The following CTNNA3 variants were observed in gnomAD, a reference collection of about 807,000 sequenced individuals.
CTNNA3 encodes the protein catenin alpha 3, also known as catenin alpha-3.
Under a neutral mutation model 95.7 loss-of-function variants are expected in CTNNA3, and 76 were observed. That is an observed-to-expected ratio of 0.79 (90% CI 0.66 to 0.96). The LOEUF is 0.96. Among genes scored for constraint, CTNNA3 ranks in the 40% least tolerant of loss-of-function variants. The pLI, the probability that CTNNA3 is intolerant of heterozygous loss-of-function variation, is 0.00. For synonymous variants in CTNNA3, 431 were observed against 374.4 expected, an observed-to-expected ratio of 1.15 and a Z score of -1.74; for missense variants, 1,191 against 1,089.8, an observed-to-expected ratio of 1.09 and a Z score of -1.31.
At chr10:66,000,707 T>C (rs1472310322) in intron 15 of CTNNA3, among the ~76,000 whole-genome samples, 20 of 152,150 alleles carry the variant, frequency 1.3e-4, no homozygotes, top group Admixed American at 1.3e-3. Context: ...CATTCAGCAT[T>C]TTCTGTTTGC....
intron 17 of CTNNA3, among the ~76,000 whole-genome samples, chr10:65,958,467 C>T (rs2077777604): frequency 6.6e-6 from 1 of 152,180 alleles, no homozygotes; most frequent in South Asian, 2.1e-4. Context: ...AGAAGAGATG[C>T]TCTGATTTTT....
intron 11 of CTNNA3, among the ~76,000 whole-genome samples, chr10:66,426,636 T>G (rs1252298984): frequency 3.3e-5 from 5 of 151,956 alleles, no homozygotes; most frequent in Admixed American, 6.6e-5. Flanking sequence ...AAGCAATCTG[T>G]TTTTCTTTCT....
intron 7 of CTNNA3, among the ~76,000 whole-genome samples, chr10:66,929,653 G>A (rs1204395589): frequency 2.0e-5 from 3 of 152,188 alleles, no homozygotes; most frequent in South Asian, 4.1e-4. Context: ...GTTCTCTGTT[G>A]CTTTTCTATT....
intron 15 of CTNNA3, among the ~76,000 whole-genome samples, chr10:66,027,694 T>G (rs528654301): frequency 6.6e-6 from 1 of 152,252 alleles, no homozygotes; most frequent in Admixed American, 6.5e-5. Context: ...AGACTCAATT[T>G]AGGATTACAG....
intron 5 of CTNNA3, among the ~76,000 whole-genome samples, chr10:67,315,708 A>G (rs1034102229): frequency 2.6e-5 from 4 of 152,194 alleles, no homozygotes; most frequent in Non-Finnish European, 5.9e-5. Flanking sequence ...AATAGCTTTA[A>G]TAACTACAGT....
intron 7 of CTNNA3, among the ~76,000 whole-genome samples, chr10:67,170,134 G>C (rs959167395): frequency 6.6e-6 from 1 of 152,180 alleles, no homozygotes; most frequent in African/African-American, 2.4e-5. Context: ...ATGCTGGCAA[G>C]GTTGCAGAGA....
At chr10:65,990,073 T>TGTG (rs375067707) in intron 15 of CTNNA3, among the ~76,000 whole-genome samples, 2,754 of 64,888 alleles carry the variant, frequency 0.042, 74 homozygotes, top group African/African-American at 0.11. Context: ...ATTTTGTGTG[T>TGTG]AGTGTGTGTG....
chr10:67,389,230 T>C (rs1329965902), intron 5 of CTNNA3, among the ~76,000 whole-genome samples: 1 of 150,606 alleles, frequency 6.6e-6, no homozygotes, highest in South Asian at 2.1e-4. Flanking sequence ...ACCAAGCAAA[T>C]GGAAAACAAA....
At chr10:67,675,185 C>T (rs1409711949) in intron 1 of CTNNA3, among the ~76,000 whole-genome samples, 2 of 151,780 alleles carry the variant, frequency 1.3e-5, no homozygotes, top group Non-Finnish European at 2.9e-5. Flanking sequence ...TTATCTTTTC[C>T]TTATTAATTT....
intron 1 of CTNNA3, among the ~76,000 whole-genome samples, 167 bp downstream of exon 1, chr10:67,695,833 T>C (rs997689942): frequency 3.9e-5 from 6 of 152,196 alleles, no homozygotes; most frequent in African/African-American, 1.4e-4. Context: ...CCTACGTTTC[T>C]CATAACTAGT....
intron 7 of CTNNA3, among the ~76,000 whole-genome samples, chr10:66,987,090 C>A (rs914060414): frequency 6.6e-6 from 1 of 152,122 alleles, no homozygotes; most frequent in Non-Finnish European, 1.5e-5. Context: ...GACGTGAAGT[C>A]CTTTTAGCAT....
chr10:66,900,115 T>G (rs1377915996), intron 7 of CTNNA3, among the ~76,000 whole-genome samples: 2 of 152,070 alleles, frequency 1.3e-5, no homozygotes, highest in East Asian at 3.9e-4. Flanking sequence ...AGACAACTCA[T>G]GCAAGTGGCT....
intron 10 of CTNNA3, among the ~76,000 whole-genome samples, chr10:66,573,136 G>A (rs2631226): frequency 6.6e-6 from 1 of 152,076 alleles, no homozygotes; most frequent in Non-Finnish European, 1.5e-5. Context: ...CTGTGGCTCA[G>A]GTTCACATGA....
chr10:66,287,232 C>A (rs2091603386), intron 12 of CTNNA3, among the ~76,000 whole-genome samples: 1 of 152,042 alleles, frequency 6.6e-6, no homozygotes, highest in Non-Finnish European at 1.5e-5. Flanking sequence ...GAGTTCAAGG[C>A]TTCATTGAGC....
rs562452989 is a variant in CTNNA3, at chr10:67,384,266, T to C, written c.579+137576A>G. ...TTTGGCTCCTTTCTTTCTAGCAACC[T>C]ACCTGAAATAAGAAAACTTATCACT... On this transcript the variant is annotated intron_variant, in intron 5 of 17. Transcript: ENST00000433211. Among the ~76,000 whole-genome samples, 6 of 152,310 alleles carry C rather than the reference T, an allele frequency of 3.9e-5. 1 individual carries two copies. The highest frequency in any genetic ancestry group is 1.4e-4 in the African/African-American group (6 of 41,586).
intron 9 of CTNNA3, among the ~76,000 whole-genome samples, chr10:66,733,165 T>C (rs980158438): frequency 1.3e-5 from 2 of 151,896 alleles, no homozygotes; most frequent in East Asian, 1.9e-4. Flanking sequence ...AAAGAAAATT[T>C]AGAAAAAAAA....
At position 66,119,767 on chromosome 10, in the gene CTNNA3, C is replaced by G. The variant is rs190434452; in HGVS notation, c.1885-16518G>C. The stretch of plus-strand genomic sequence containing the variant: ...ATCAATTTTTTTTATTAAATAAGCA[C>G]TCATTAATATGCCAGATACTGTGGT... On this transcript the variant is annotated intron_variant, in intron 13 of 17. Transcript: ENST00000433211. 1.3e-3 allele frequency among the ~76,000 whole-genome samples: 196 copies of G among 152,142 alleles called. 1 individual carries two copies. Among genetic ancestry groups the G allele is most frequent in the South Asian group, 7.3e-3 (35 of 4,814 alleles).
intron 13 of CTNNA3, among the ~76,000 whole-genome samples, chr10:66,160,275 T>C (rs1198581552): frequency 6.6e-6 from 1 of 152,060 alleles, no homozygotes; most frequent in African/African-American, 2.4e-5. Context: ...CTTTAGAATA[T>C]CAGTTTGTGC....
chr10:67,702,109 C>T (rs1191875745), intron 1 of CTNNA3, among the ~76,000 whole-genome samples: 3 of 152,134 alleles, frequency 2.0e-5, no homozygotes, highest in African/African-American at 7.2e-5. Flanking sequence ...AATGCAGGAG[C>T]ACCCAGATTC....
Sources: allele counts gnomAD v4.1 joint callset (sites outside exome capture counted in the v4.1 genomes callset), GRCh38; gene constraint gnomAD v4.1.1; transcripts MANE v1.5; gene names NCBI Gene and HGNC (gene_info 2026-07-23, HGNC 2026-07-21).